Variants in SLC60A2 observed in about 807,000 individuals in gnomAD.
SLC60A2 encodes solute carrier family 60 member 2.
the SLC60A2 span, among the ~76,000 whole-genome samples, chr6:111,279,537 C>T: frequency 2.0e-5 from 3 of 150,260 alleles, no homozygotes; most frequent in East Asian, 1.9e-4. Context: ...CATGAGCCAC[C>T]GCGCCTAGCC....
the SLC60A2 span, chr6:111,266,121 G>A: frequency 6.8e-6 from 11 of 1,614,062 alleles, no homozygotes; most frequent in Non-Finnish European, 9.3e-6. Context: ...GTGGGCTTAT[G>A]CTGTTATCGG....
the SLC60A2 span, among the ~76,000 whole-genome samples, chr6:111,272,602 C>G: frequency 6.6e-6 from 1 of 151,186 alleles, no homozygotes; most frequent in Admixed American, 6.6e-5. Context: ...ACCTCTGTCT[C>G]CCAGGTTCAA....
the SLC60A2 span, chr6:111,259,503 C>A: frequency 2.0e-6 from 1 of 511,046 alleles, no homozygotes; most frequent in Non-Finnish European, 3.4e-6. Flanking sequence ...CTGAGAAGCG[C>A]GGCGGCAGCA....
chr6:111,273,280 A>G, the SLC60A2 span, among the ~76,000 whole-genome samples: 1 of 152,008 alleles, frequency 6.6e-6, no homozygotes, highest in Admixed American at 6.6e-5. Context: ...CTTCTGAGCA[A>G]CTAGGATTAC....
chr6:111,273,884 G>A, the SLC60A2 span, among the ~76,000 whole-genome samples: 3 of 152,074 alleles, frequency 2.0e-5, no homozygotes, highest in African/African-American at 7.2e-5. Context: ...TGTCACCATG[G>A]CTAATTTGTT....
At chr6:111,266,455 T>C in the SLC60A2 span, 14 of 1,614,224 alleles carry the variant, frequency 8.7e-6, no homozygotes, top group Non-Finnish European at 1.1e-5. Context: ...GGAACCATGA[T>C]TGTGTTGAGC....
At chr6:111,266,642 T>C in the SLC60A2 span, 1 of 1,614,236 alleles carries the variant, frequency 6.2e-7, no homozygotes, top group South Asian at 1.1e-5. Context: ...TTTTTGTAAT[T>C]GGTGCTTCCC....
chr6:111,265,043 C>G, the SLC60A2 span, among the ~76,000 whole-genome samples: 1 of 152,034 alleles, frequency 6.6e-6, no homozygotes, highest in Non-Finnish European at 1.5e-5. Context: ...CAGAGAGCCA[C>G]GATTGTGCCA....
At chr6:111,270,009 ACAGGGCCGCTT>A in the SLC60A2 span, 14 of 121,332 alleles carry the variant, frequency 1.2e-4, no homozygotes, top group African/African-American at 7.1e-4. Flanking sequence ...AGCGGCCTGT[ACAGGGCCGCTT>A]CAGTACAGGA....
At chr6:111,263,459 T>C in the SLC60A2 span, among the ~76,000 whole-genome samples, 1 of 152,180 alleles carries the variant, frequency 6.6e-6, no homozygotes, top group Non-Finnish European at 1.5e-5. Context: ...ACTCTAGTAA[T>C]TGCATTTTAT....
the SLC60A2 span, chr6:111,259,871 G>A: frequency 3.6e-6 from 2 of 559,074 alleles, no homozygotes; most frequent in Non-Finnish European, 5.9e-6. Flanking sequence ...TAATCTTGGA[G>A]GAAATAGATT....
At chr6:111,273,501 T>G in the SLC60A2 span, among the ~76,000 whole-genome samples, 4,475 of 117,810 alleles carry the variant, frequency 0.038, 202 homozygotes, top group African/African-American at 0.11. Flanking sequence ...TTTGTGTTTT[T>G]TTTTTTTTTT....
At chr6:111,266,083 T>G in the SLC60A2 span, 5 of 1,614,038 alleles carry the variant, frequency 3.1e-6, no homozygotes, top group Non-Finnish European at 4.2e-6. Flanking sequence ...GAAGCTCTGT[T>G]TGGAGTACCT....
At chr6:111,259,681 T>A in the SLC60A2 span, 1 of 1,596,396 alleles carries the variant, frequency 6.3e-7, no homozygotes, top group Non-Finnish European at 8.5e-7. Flanking sequence ...GGGAGCAAGC[T>A]GCGGTGGTTC....
the SLC60A2 span, chr6:111,266,908 G>A: frequency 5.0e-6 from 8 of 1,613,908 alleles, no homozygotes; most frequent in African/African-American, 1.1e-4. Context: ...GCAGAAAAAT[G>A]GAATGAAATG....
the SLC60A2 span, chr6:111,259,377 G>A: frequency 5.6e-6 from 2 of 358,250 alleles, no homozygotes; most frequent in Non-Finnish European, 5.0e-6. Context: ...CCTGCGGCGT[G>A]CCGAAGTTCC....
At chr6:111,269,564 T>TA in the SLC60A2 span, 1 of 152,208 alleles carries the variant, frequency 6.6e-6, no homozygotes, top group Non-Finnish European at 1.5e-5. Context: ...CTGCTTCACT[T>TA]ACTGCCTTTT....
the SLC60A2 span, among the ~76,000 whole-genome samples, chr6:111,271,567 A>AT: frequency 6.6e-6 from 1 of 151,930 alleles, no homozygotes; most frequent in South Asian, 2.1e-4. Flanking sequence ...TTGAAGAATT[A>AT]TAGTTTATTT....
the SLC60A2 span, chr6:111,267,288 C>G: frequency 1.7e-6 from 1 of 582,322 alleles, no homozygotes; most frequent in Non-Finnish European, 3.0e-6. Flanking sequence ...CCAGAGTCTT[C>G]CATAAATAAC....
Sources: gnomAD v4.1 joint callset for allele counts (sites outside exome capture counted in the v4.1 genomes callset) on GRCh38, gnomAD v4.1.1 for gene constraint, MANE v1.5 for transcripts, NCBI Gene and HGNC (gene_info 2026-07-23, HGNC 2026-07-21) for gene names.